Variants in WBP11 observed in about 807,000 individuals in gnomAD.
WBP11 encodes WW domain binding protein 11, also known as WW domain-binding protein 11.
A neutral mutation model predicts 66.7 loss-of-function variants in WBP11; 12 were observed. The observed-to-expected ratio is 0.18, with a 90% CI of 0.12 to 0.29. The LOEUF (loss-of-function observed/expected upper bound fraction) is 0.29, where lower values mean the gene tolerates loss of function less well. WBP11 is among the 10% of genes least tolerant of loss of function. WBP11 has a pLI of 1.00. For missense variants in WBP11, 555 were observed against 818.3 expected, an observed-to-expected ratio of 0.68 and a Z score of 3.93; for synonymous variants, 255 against 273.8, an observed-to-expected ratio of 0.93 and a Z score of 0.68.
chr12:14,787,605 A>G, intron 11 of WBP11, 107 bp from the exon 12 acceptor site: 1 of 1,020,850 alleles, frequency 9.8e-7, no homozygotes, highest in Non-Finnish European at 1.3e-6. Context: ...AATGGATAAC[A>G]ACTTACAGAA....
chr12:14,793,356 G>A (rs1448384753), intron 8 of WBP11, among the ~76,000 whole-genome samples: 1 of 152,024 alleles, frequency 6.6e-6, no homozygotes, highest in East Asian at 1.9e-4. Flanking sequence ...ACCATAAAAG[G>A]GCTTCAAAGG....
intron 4 of WBP11, 132 bp downstream of exon 4, chr12:14,799,503 A>C: frequency 1.2e-6 from 1 of 847,838 alleles, no homozygotes; most frequent in South Asian, 2.0e-5. Context: ...GTCTCCCTGA[A>C]ACTAACATTA....
At position 14,790,500 on chromosome 12, in the gene WBP11, C is replaced by T. The variant is rs1469124782; in HGVS notation, c.1265G>A (p.Arg422Gln). ...PLGPPPAPPL[R>Q]PPGPPTGLPP... Reference sequence around the variant, plus strand: ...AAGGCCTGTAGGTGGCCCAGGAGGCCGTAATGGTGGAGCAGGTGGTGGTCC... The same window carrying T: ...AAGGCCTGTAGGTGGCCCAGGAGGCTGTAATGGTGGAGCAGGTGGTGGTCC... Residue 422 changes from arginine to glutamine, a missense_variant, in exon 10 of 12, where the codon CGG (arginine) becomes CAG (glutamine). Arg to Gln is a conservative substitution (Grantham distance 43). Coordinates refer to ENST00000261167, the MANE Select transcript of WBP11 (RefSeq NM_016312.3). 2.5e-6 allele frequency: 4 copies of T among 1,613,802 alleles called. No individual in the cohort carries two copies. The highest frequency in any genetic ancestry group is 1.3e-5 in the African/African-American group (1 of 74,896).
In WBP11 at chr12:14,789,084, G is replaced by C. The variant is rs759857522; in HGVS notation, c.1359C>G (p.Pro453=). 1 of 1,523,126 alleles carries C rather than the reference G, an allele frequency of 6.6e-7. No homozygotes were observed. Among genetic ancestry groups the C allele is most frequent in the East Asian group, 2.7e-5 (1 of 37,694 alleles). The allele number at this position is 1,523,126 out of a possible 1,614,324, so 94.4% of individuals were successfully genotyped here. A position where few individuals can be genotyped will look rare whatever the true frequency, so the allele number is the denominator to read the frequency against. The part of the protein sequence containing the change: ...RPPGMPGLRG[P]LPRLLPPGPP... ...GTCCTGGAGGTAAAAGTCGGGGTAAGGGCCCTCGGAGTCCTGGCATTCCAG... is the reference window on the plus strand; with the variant it reads ...GTCCTGGAGGTAAAAGTCGGGGTAACGGCCCTCGGAGTCCTGGCATTCCAG... The change falls in exon 11 of 12, where the codon CCC becomes CCG. Residue 453 remains proline (P), a synonymous_variant. Transcript: ENST00000261167.
At chr12:14,790,433 A>G (rs770580923) in intron 10 of WBP11, 23 bp downstream of exon 10, 2 of 1,606,598 alleles carry the variant, frequency 1.2e-6, no homozygotes, top group South Asian at 2.2e-5. Flanking sequence ...TTTAAACTTT[A>G]TTCACATTAT....
intron 4 of WBP11, among the ~76,000 whole-genome samples, chr12:14,798,900 A>C (rs2137240446): frequency 6.6e-6 from 1 of 152,324 alleles, no homozygotes; most frequent in East Asian, 1.9e-4. Context: ...GCATGTTTGA[A>C]AATTTCTATT....
At chr12:14,797,330 T>A (rs1949905373) in intron 4 of WBP11, among the ~76,000 whole-genome samples, 1 of 152,058 alleles carries the variant, frequency 6.6e-6, no homozygotes, top group South Asian at 2.1e-4. Context: ...GTTAGTCCTG[T>A]CAAATTTTGA....
chr12:14,801,655 T>G (rs1949964778), intron 1 of WBP11, among the ~76,000 whole-genome samples: 1 of 152,348 alleles, frequency 6.6e-6, no homozygotes, highest in East Asian at 1.9e-4. Context: ...TGAAGACCAC[T>G]TTGAATATCC....
In WBP11 at chr12:14,784,931, T is replaced by G. The variant is rs1949735118; in HGVS notation, c.*2134A>C. On this transcript the variant is annotated 3_prime_UTR_variant, in exon 12 of 12. Coordinates refer to ENST00000261167, the MANE Select transcript of WBP11 (RefSeq NM_016312.3). ...CCCTTTCCTGTGGATGCAGCTGATGTATTGTCACACCACTAATTTTCAGAA... is the reference window on the plus strand; with the variant it reads ...CCCTTTCCTGTGGATGCAGCTGATGGATTGTCACACCACTAATTTTCAGAA... 1 of 96,690 alleles carries G rather than the reference T, an allele frequency of 1.0e-5. No homozygotes were observed. The highest frequency in any genetic ancestry group is 2.2e-5 in the Non-Finnish European group (1 of 45,280). 6.0% of individuals were successfully genotyped at this position (96,690 alleles called of 1,614,324 possible). A position where few individuals can be genotyped will look rare whatever the true frequency, so the allele number is the denominator to read the frequency against.
intron 4 of WBP11, among the ~76,000 whole-genome samples, chr12:14,798,880 T>A (rs1315836328): frequency 4.6e-5 from 7 of 152,182 alleles, no homozygotes; most frequent in African/African-American, 1.7e-4. Context: ...CTAGACTATT[T>A]TATTTTCTTG....
At chr12:14,802,188 T>C (rs1949972650) in intron 1 of WBP11, among the ~76,000 whole-genome samples, 2 of 152,230 alleles carry the variant, frequency 1.3e-5, no homozygotes, top group Non-Finnish European at 2.9e-5. Flanking sequence ...AAAAAATATT[T>C]TGTAAGCTAA....
chr12:14,787,556 A>G lies in WBP11; in HGVS notation c.1493-58T>C, dbSNP rs113227238. ...TAAGAACTAATAAAATTTAACTACT[A>G]TTAAGGACATTTAAATATTGGTTGC... On this transcript the variant is annotated intron_variant, in intron 11 of 11. Transcript: ENST00000261167. 4 of 1,374,256 alleles carry G rather than the reference A, an allele frequency of 2.9e-6. No individual in the cohort carries two copies. The African/African-American group carries it at 5.7e-5, about 20-fold the overall frequency. 85.1% of individuals were successfully genotyped at this position (1,374,256 alleles called of 1,614,324 possible).
intron 5 of WBP11, 145 bp from the exon 6 acceptor site, chr12:14,795,249 C>G (rs192321680): frequency 1.2e-6 from 1 of 852,684 alleles, no homozygotes; most frequent in African/African-American, 1.8e-5. Context: ...AATAACCTTA[C>G]GTCAATACTT....
At chr12:14,794,038 CCAA>C in intron 7 of WBP11, 116 bp from the exon 8 acceptor site, 1 of 378,378 alleles carries the variant, frequency 2.6e-6, no homozygotes, top group Non-Finnish European at 3.6e-6. Flanking sequence ...TTAATTCTTA[CCAA>C]AAAAAAAAAA....
rs1565670825 is a variant in WBP11 at position 14,787,431 on chromosome 12, A to G, written c.1560T>C (p.Pro520=). The part of the protein sequence containing the change: ...PLVPPLGPAP[P]GLFPPAPLPN... The stretch of plus-strand genomic sequence containing the variant: ...GCAAGGGAGCTGGTGGGAACAGCCC[A>G]GGGGGGGCAGGTCCAAGGGGAGGCA... The change falls in exon 12 of 12, where the codon CCT becomes CCC. Residue 520 remains proline, a synonymous_variant. Coordinates refer to ENST00000261167, the MANE Select transcript of WBP11 (RefSeq NM_016312.3). The G allele has an allele frequency of 1.9e-6, 3 of 1,551,364 alleles. No individual in the cohort carries two copies. Among genetic ancestry groups the G allele is most frequent in the Admixed American group, 3.7e-5 (2 of 53,544 alleles).
At chr12:14,787,951 C>T (rs930006099) in intron 11 of WBP11, among the ~76,000 whole-genome samples, 5 of 152,080 alleles carry the variant, frequency 3.3e-5, no homozygotes, top group Admixed American at 6.6e-5. Flanking sequence ...CAAATGCATA[C>T]GGAGGCCGAG....
At chr12:14,790,389 T>A in intron 10 of WBP11, 67 bp downstream of exon 10, 1 of 1,537,738 alleles carries the variant, frequency 6.5e-7, no homozygotes, top group South Asian at 1.2e-5. Flanking sequence ...TAACAACACA[T>A]AGTATTTTTT....
chr12:14,803,041 G>A (rs577188341), intron 1 of WBP11, among the ~76,000 whole-genome samples: 3 of 152,298 alleles, frequency 2.0e-5, no homozygotes, highest in African/African-American at 7.2e-5. Flanking sequence ...ACCAAAGGAG[G>A]CAACACCAGC....
At position 14,800,720 on chromosome 12, in the gene WBP11, TA is replaced by T. The variant is rs747226244; in HGVS notation, c.96+31del. On this transcript the variant is annotated intron_variant, in intron 3 of 11. Transcript: ENST00000261167. ...ATCACAAGATGTACCAAACAATACT[TA>T]AAGTTTTATAAGATGCCTCTAAAAT... The T allele has an allele frequency of 1.9e-6, 3 of 1,583,898 alleles. No homozygotes were observed. The East Asian group carries it at 6.8e-5, about 36-fold the overall frequency.
Sources: allele counts gnomAD v4.1 joint callset (sites outside exome capture counted in the v4.1 genomes callset), GRCh38; gene constraint gnomAD v4.1.1; transcripts MANE v1.5; gene names NCBI Gene and HGNC (gene_info 2026-07-23, HGNC 2026-07-21).